TESPA1: variants seen among roughly 807,000 people sequenced by gnomAD.
TESPA1 encodes the protein thymocyte expressed, positive selection associated 1, also known as protein TESPA1.
In TESPA1, 33 loss-of-function variants were observed where a neutral mutation model predicts 57.9. That is an observed-to-expected ratio of 0.57 (90% CI 0.43 to 0.76). The LOEUF (loss-of-function observed/expected upper bound fraction) is 0.76. TESPA1 is among the 30% of genes least tolerant of loss of function. The pLI, the probability that TESPA1 is intolerant of heterozygous loss-of-function variation, is 0.00. For synonymous variants in TESPA1, 227 were observed against 228.9 expected (o/e 0.99, Z 0.07); for missense variants, 618 against 632.9 (o/e 0.98, Z 0.25).
intron 10 of TESPA1, among the ~76,000 whole-genome samples, chr12:54,952,043 G>A (rs558133403): frequency 5.0e-4 from 76 of 152,072 alleles, no homozygotes; most frequent in Non-Finnish European, 1.0e-3. Flanking sequence ...AATTGCCATC[G>A]TGATAGTATC....
At chr12:54,973,682 T>C in intron 2 of TESPA1, 163 bp from the exon 3 acceptor site, 1 of 1,409,574 alleles carries the variant, frequency 7.1e-7, no homozygotes, top group Non-Finnish European at 9.2e-7. Flanking sequence ...ACACCGTATA[T>C]AAAAATAGTA....
At chr12:54,961,970 G>C (rs766737970) in intron 9 of TESPA1, among the ~76,000 whole-genome samples, 1 of 152,280 alleles carries the variant, frequency 6.6e-6, no homozygotes, top group Admixed American at 6.5e-5. Context: ...GCTGGGGAGT[G>C]GTTCTGCTCA....
chr12:54,952,112 C>T (rs574735870), intron 10 of TESPA1, among the ~76,000 whole-genome samples: 8 of 152,242 alleles, frequency 5.3e-5, no homozygotes, highest in Middle Eastern at 3.4e-3. Flanking sequence ...GGTGAGGCCC[C>T]ATGATGGGAA....
At position 54,966,134 on chromosome 12, in the gene TESPA1, G is replaced by T. The variant is rs1951414436; in HGVS notation, c.365C>A (p.Ala122Asp). Residue 122 changes from alanine to aspartate, a missense_variant, in exon 7 of 11, where the codon GCC (alanine) becomes GAC (aspartate). This residue lies in a region of TESPA1 where 199 missense variants were observed against 184.0 expected (regional missense o/e 1.08). Coordinates refer to ENST00000449076, the MANE Select transcript of TESPA1 (RefSeq NM_001136030.3). ...AAGATCAAGTAGCTGGCAAGGCCTG[G>T]CTGTCTCGAGGAAACTCCTGCAGAG... ...KLFSRSFLET[A>D]RPCQLLDLGC... 1.3e-6 allele frequency: 2 copies of T among 1,570,228 alleles called. No individual in the cohort carries two copies. Among genetic ancestry groups the T allele is most frequent in the South Asian group, 2.3e-5 (2 of 85,412 alleles).
intron 4 of TESPA1, 71 bp downstream of exon 4, chr12:54,967,772 C>T (rs1951539834): frequency 6.4e-7 from 1 of 1,570,360 alleles, no homozygotes; most frequent in Non-Finnish European, 8.7e-7. Context: ...CATAAACACT[C>T]ACATACACAC....
At position 54,961,193 on chromosome 12, in the gene TESPA1, C is replaced by CTGG; in HGVS notation, c.1539_1541dup (p.His513dup). 1.2e-6 allele frequency: 2 copies of CTGG among 1,613,844 alleles called. No individual in the cohort carries two copies. Among genetic ancestry groups the CTGG allele is most frequent in the Non-Finnish European group, 1.7e-6 (2 of 1,179,844 alleles). The stretch of plus-strand genomic sequence containing the variant: ...TTCACGAGTCTTTGCCAGCAAAAGT[C>CTGG]TGGTGGTGGTGGGGGTGCCTGGGTC... On this transcript the variant is annotated inframe_insertion, in exon 10 of 11. Transcript: ENST00000449076.
Position 54,952,686 on chromosome 12 carries a change from C to T in TESPA1, c.*2-2296G>A, listed in dbSNP as rs183083025. 1.3e-4 allele frequency among the ~76,000 whole-genome samples: 20 copies of T among 152,272 alleles called. No homozygotes were observed. The East Asian group carries it at 3.7e-3, about 28-fold the overall frequency. On this transcript the variant is annotated intron_variant, in intron 10 of 10. Transcript: ENST00000449076. ...TGTATAAACTGACTTCTCAAATAGT[C>T]TTTGGACCAGGTCAAGCATATTGCT...
At chr12:54,950,455 G>A in intron 10 of TESPA1, 65 bp from the exon 11 acceptor site, 3 of 394,374 alleles carry the variant, frequency 7.6e-6, no homozygotes, top group Non-Finnish European at 1.5e-5. Flanking sequence ...ACTGAGGTTG[G>A]TAGGAACTTT....
intron 3 of TESPA1, 131 bp from the exon 4 acceptor site, chr12:54,968,023 T>C (rs1365802870): frequency 1.3e-6 from 2 of 1,535,198 alleles, no homozygotes; most frequent in South Asian, 2.4e-5. Flanking sequence ...GCTTTTATGT[T>C]GGAGAAAACA....
chr12:54,962,580 T>C lies in TESPA1; in HGVS notation c.1318A>G (p.Lys440Glu). 6.2e-7 allele frequency: 1 copy of C among 1,613,946 alleles called. No homozygotes were observed. The highest frequency in any genetic ancestry group is 8.5e-7 in the Non-Finnish European group (1 of 1,179,886). The change falls in exon 9 of 11, where the codon AAG (lysine) becomes GAG (glutamate). Residue 440 changes from lysine to glutamate, a missense_variant. Physicochemically the swap from Lys to Glu is moderately conservative, Grantham distance 56. Around this residue, in one of 3 missense-constraint regions of TESPA1, gnomAD observed 409 missense variants for 420.1 expected, o/e 0.97. Coordinates refer to ENST00000449076, the MANE Select transcript of TESPA1 (RefSeq NM_001136030.3). ...ATGAGATTCTTCTGGAAGAGGCTCT[T>C]TCTTGCTCTGCTCTTTCTTTTCCAG... is the stretch of plus-strand genomic sequence containing the variant. ...TFWKRKSRAR[K>E]SLFQKNLMGR... is the part of the protein sequence containing the mutation.
At chr12:54,979,297 T>G (rs1952232581) in intron 1 of TESPA1, among the ~76,000 whole-genome samples, 1 of 152,238 alleles carries the variant, frequency 6.6e-6, no homozygotes, top group African/African-American at 2.4e-5. Context: ...TCATCTCTCT[T>G]GATGCTGCTT....
Position 54,949,511 on chromosome 12 carries a change from T to C in TESPA1, c.*881A>G, listed in dbSNP as rs1950258704. ...TCTCAGGGGAGAAATGTGTCCAAGA[T>C]GCTCTGAAACCACATACTGCCTAAG... On this transcript the variant is annotated 3_prime_UTR_variant, in exon 11 of 11. Coordinates refer to ENST00000449076, the MANE Select transcript of TESPA1 (RefSeq NM_001136030.3). The C allele has an allele frequency of 6.6e-6, 1 of 152,208 alleles. No homozygotes were observed. The allele number at this position is 152,208 out of a possible 1,614,324, so 9.4% of individuals were successfully genotyped here.
chr12:54,957,537 T>C (rs1592321372), intron 10 of TESPA1, among the ~76,000 whole-genome samples: 1 of 152,172 alleles, frequency 6.6e-6, no homozygotes, highest in Non-Finnish European at 1.5e-5. Flanking sequence ...TCTCCGCTTC[T>C]TGAGATTTCT....
intron 3 of TESPA1, among the ~76,000 whole-genome samples, chr12:54,969,046 T>TATATATATATATATAA: frequency 8.0e-6 from 1 of 124,474 alleles, no homozygotes; most frequent in East Asian, 4.6e-4. Flanking sequence ...TATATATATA[T>TATATATATATATATAA]GTGTGTGTGT....
chr12:54,954,347 C>G (rs1025260377), intron 10 of TESPA1, among the ~76,000 whole-genome samples: 2 of 152,214 alleles, frequency 1.3e-5, no homozygotes, highest in East Asian at 3.8e-4. Flanking sequence ...AAATGCAAAA[C>G]CACAGACAAA....
chr12:54,958,279 A>G lies in TESPA1; in HGVS notation c.*1+2889T>C, dbSNP rs188732893. 3.8e-3 allele frequency among the ~76,000 whole-genome samples: 584 copies of G among 152,270 alleles called. 5 individuals are homozygous for G. The highest frequency in any genetic ancestry group is 0.014 in the African/African-American group (563 of 41,546). ...CTGCTGGACAAACAACACTTAAGCA[A>G]AGTGTTGCATTTTAGAGTAAATTCA... On this transcript the variant is annotated intron_variant, in intron 10 of 10. Coordinates refer to ENST00000449076, the MANE Select transcript of TESPA1 (RefSeq NM_001136030.3).
chr12:54,983,061 T>C (rs1952380162), intron 1 of TESPA1, among the ~76,000 whole-genome samples: 1 of 152,170 alleles, frequency 6.6e-6, no homozygotes, highest in South Asian at 2.1e-4. Context: ...TGTGATCTTT[T>C]CCCCTTACTG....
At position 54,949,720 on chromosome 12, in the gene TESPA1, C is replaced by A. The variant is rs185270942; in HGVS notation, c.*672G>T. 2 of 152,660 alleles carry A rather than the reference C, an allele frequency of 1.3e-5. No homozygotes were observed. The highest frequency in any genetic ancestry group is 1.3e-4 in the Admixed American group (2 of 15,300). The allele number at this position is 152,660 out of a possible 1,614,324, so 9.5% of individuals were successfully genotyped here. A position where few individuals can be genotyped will look rare whatever the true frequency, so the allele number is the denominator to read the frequency against. On this transcript the variant is annotated 3_prime_UTR_variant, in exon 11 of 11. Coordinates refer to ENST00000449076, the MANE Select transcript of TESPA1 (RefSeq NM_001136030.3). ...CTAGGAGAAGAGACTCTGAATCCTACTTATCTCTTTTTCTATAAAGATGCA... is the reference window on the plus strand; with the variant it reads ...CTAGGAGAAGAGACTCTGAATCCTAATTATCTCTTTTTCTATAAAGATGCA...
rs1157873320 is a variant in TESPA1, at chr12:54,963,912, T to A, written c.485A>T (p.Glu162Val). The A allele has an allele frequency of 6.2e-7, 1 of 1,614,054 alleles. No individual in the cohort carries two copies. Among genetic ancestry groups the A allele is most frequent in the Non-Finnish European group, 8.5e-7 (1 of 1,179,872 alleles). The change falls in exon 8 of 11, where the codon GAA becomes GTA. Residue 162 changes from glutamate (E) to valine (V), a missense_variant. Around this residue, in one of 3 missense-constraint regions of TESPA1, gnomAD observed 10 missense variants for 28.8 expected, o/e 0.35. Transcript: ENST00000449076. ...AAAGCCCAGACTGAAGAGGACATCT[T>A]CTGCATCTTCTTGCACTTTGTCCAG... ...EILDKVQEDA[E>V]DVLFSLGFGQ...
Sources: allele counts gnomAD v4.1 joint callset (sites outside exome capture counted in the v4.1 genomes callset), GRCh38; gene constraint gnomAD v4.1.1; regional missense constraint gnomAD v4.1.1; transcripts MANE v1.5; gene names NCBI Gene and HGNC (gene_info 2026-07-23, HGNC 2026-07-21).